CHODL: variants seen among roughly 807,000 people sequenced by gnomAD.
CHODL encodes transmembrane protein MT75.
CHODL carries 29 observed loss-of-function variants against 34.5 expected under a neutral mutation model. The observed-to-expected ratio is 0.84, with a 90% CI of 0.63 to 1.15. The LOEUF (loss-of-function observed/expected upper bound fraction) is 1.15. CHODL is among the 50% of genes most tolerant of loss of function. CHODL has a pLI of 0.00. For missense variants in CHODL, 332 were observed against 332.5 expected, an observed-to-expected ratio of 1.00 and a Z score of 0.01; for synonymous variants, 125 against 116.1, an observed-to-expected ratio of 1.08 and a Z score of -0.49.
chr21:17,980,452 AT>A (rs1197151508), intron 1 of CHODL, among the ~76,000 whole-genome samples: 7 of 152,262 alleles, frequency 4.6e-5, no homozygotes, highest in Non-Finnish European at 1.0e-4. Flanking sequence ...CTGGACTAAT[AT>A]TTTCATCAAC....
chr21:18,021,188 A>G (rs1274095281), intron 1 of CHODL, among the ~76,000 whole-genome samples: 2 of 152,288 alleles, frequency 1.3e-5, no homozygotes, highest in Admixed American at 1.3e-4. Flanking sequence ...AGAGTTCTGA[A>G]CCCAGAGATA....
At chr21:18,154,426 C>T (rs2073008660) in intron 2 of CHODL, among the ~76,000 whole-genome samples, 1 of 152,066 alleles carries the variant, frequency 6.6e-6, no homozygotes, top group Admixed American at 6.6e-5. Flanking sequence ...TCATTAGTTT[C>T]CCCGTATGTT....
Position 18,224,484 on chromosome 21 carries a change from G to C in CHODL, c.-44-32025G>C, listed in dbSNP as rs987292381. ...AAACTACAATATTCAGTGTGGTTAA[G>C]TTCCCTCATTATTATTGTTATTTTT... On this transcript the variant is annotated intron_variant, in intron 2 of 6. Transcript: ENST00000400127. Among the ~76,000 whole-genome samples, 41 of 152,294 alleles carry C rather than the reference G, an allele frequency of 2.7e-4. 1 individual carries two copies. Among genetic ancestry groups the C allele is most frequent in the African/African-American group, 7.9e-4 (33 of 41,574 alleles).
At chr21:18,057,497 C>T (rs560857573) in intron 2 of CHODL, among the ~76,000 whole-genome samples, 2 of 152,082 alleles carry the variant, frequency 1.3e-5, no homozygotes, top group South Asian at 4.2e-4. Context: ...ATGAACCTGA[C>T]ACATCATTAT....
chr21:18,063,645 TAAAG>T (rs2064695382), intron 2 of CHODL, among the ~76,000 whole-genome samples: 1 of 152,220 alleles, frequency 6.6e-6, no homozygotes. Context: ...CTTCATTGGT[TAAAG>T]AATGATGAAT....
intron 2 of CHODL, among the ~76,000 whole-genome samples, chr21:18,166,671 T>C (rs533140110): frequency 1.3e-4 from 20 of 152,150 alleles, no homozygotes; most frequent in Admixed American, 2.6e-4. Flanking sequence ...ATTATTATGT[T>C]AAATTATATT....
At chr21:18,200,249 A>C (rs575577697) in intron 2 of CHODL, among the ~76,000 whole-genome samples, 1 of 152,332 alleles carries the variant, frequency 6.6e-6, no homozygotes, top group Admixed American at 6.5e-5. Flanking sequence ...CTCAAATACA[A>C]AAAGTAAAAA....
chr21:17,933,270 T>A (rs376827487), intron 1 of CHODL, among the ~76,000 whole-genome samples: 1 of 152,196 alleles, frequency 6.6e-6, no homozygotes, highest in Non-Finnish European at 1.5e-5. Context: ...AGACCATTTA[T>A]GGGTGTCGGG....
chr21:18,017,974 T>C lies in CHODL; in HGVS notation c.-144-9898T>C, dbSNP rs566573831. Among the ~76,000 whole-genome samples the C allele has an allele frequency of 8.5e-5, 13 of 152,346 alleles. No homozygotes were observed. The East Asian group carries it at 2.5e-3, about 29-fold the overall frequency. On this transcript the variant is annotated intron_variant, in intron 1 of 6. Coordinates refer to the CHODL transcript ENST00000400127. ...GGACATGGAGTCAAAGGAGATTACC[T>C]TGGAGCTTTGTGATTTAATGGCTGC...
At chr21:18,010,888 G>A (rs2064012991) in intron 1 of CHODL, among the ~76,000 whole-genome samples, 1 of 152,142 alleles carries the variant, frequency 6.6e-6, no homozygotes, top group South Asian at 2.1e-4. Flanking sequence ...TAACAATTTT[G>A]TTAAGCTTTC....
Position 17,919,118 on chromosome 21 carries a change from C to T in CHODL, c.-145+1718C>T, listed in dbSNP as rs181712814. ...TTCATGGGCTGGTGTTGAGTGTCTGCGGCTTTTACAGGTGCGCAGTGCAAG... is the reference window on the plus strand; with the variant it reads ...TTCATGGGCTGGTGTTGAGTGTCTGTGGCTTTTACAGGTGCGCAGTGCAAG... On this transcript the variant is annotated intron_variant, in intron 1 of 6. Transcript: ENST00000400127. Among the ~76,000 whole-genome samples the T allele has an allele frequency of 8.1e-3, 1,241 of 152,288 alleles. 18 individuals are homozygous for T. Among genetic ancestry groups the T allele is most frequent in the African/African-American group, 0.027 (1,129 of 41,580 alleles).
intron 2 of CHODL, among the ~76,000 whole-genome samples, chr21:18,036,129 G>A (rs948818070): frequency 6.6e-6 from 1 of 151,986 alleles, no homozygotes; most frequent in African/African-American, 2.4e-5. Context: ...TGTTAGGTGA[G>A]ATCATAGAAG....
chr21:17,989,039 GA>G (rs1600863245), intron 1 of CHODL, among the ~76,000 whole-genome samples: 1 of 152,170 alleles, frequency 6.6e-6, no homozygotes, highest in African/African-American at 2.4e-5. Flanking sequence ...ACACATTGGA[GA>G]AAAGTAATGT....
At chr21:18,084,326 G>A (rs1390207337) in intron 2 of CHODL, among the ~76,000 whole-genome samples, 1 of 151,932 alleles carries the variant, frequency 6.6e-6, no homozygotes, top group East Asian at 1.9e-4. Context: ...TTTAGTTCTT[G>A]TTTTTTGTAG....
At chr21:17,963,078 ATAAT>A (rs1568819008) in intron 1 of CHODL, among the ~76,000 whole-genome samples, 34 of 140,732 alleles carry the variant, frequency 2.4e-4, no homozygotes, top group African/African-American at 8.0e-4. Flanking sequence ...AAAAAAAATA[ATAAT>A]AATAATAATA....
intron 1 of CHODL, among the ~76,000 whole-genome samples, chr21:17,980,794 G>A (rs2063707717): frequency 6.6e-6 from 1 of 152,180 alleles, no homozygotes; most frequent in Non-Finnish European, 1.5e-5. Context: ...GTGTGTGCAT[G>A]TGATCATGTG....
At chr21:17,922,864 G>A (rs2063193201) in intron 1 of CHODL, among the ~76,000 whole-genome samples, 2 of 152,158 alleles carry the variant, frequency 1.3e-5, no homozygotes, top group Non-Finnish European at 2.9e-5. Flanking sequence ...CTGAAGACAC[G>A]TGCCCAAGGT....
At chr21:18,180,021 A>G (rs1020036907) in intron 2 of CHODL, among the ~76,000 whole-genome samples, 2 of 152,206 alleles carry the variant, frequency 1.3e-5, no homozygotes, top group Admixed American at 1.3e-4. Flanking sequence ...CTATAAGAAG[A>G]TAATAATAGT....
Position 18,266,279 on chromosome 21 carries a change from T to C in CHODL, c.*241T>C, listed in dbSNP as rs2074461092. The stretch of plus-strand genomic sequence containing the variant: ...TAAAGGATGCACCCAAACTTCAAAC[T>C]TCAAGCAAATGAAATGGACAATGCA... On this transcript the variant is annotated 3_prime_UTR_variant, in exon 6 of 6. Transcript: ENST00000299295. 5 of 1,291,462 alleles carry C rather than the reference T, an allele frequency of 3.9e-6. No homozygotes were observed. In the South Asian group the frequency reaches 7.9e-5, roughly 20 times the overall value. 80.0% of individuals were successfully genotyped at this position (1,291,462 alleles called of 1,614,324 possible).
Sources: gnomAD v4.1 joint callset for allele counts (sites outside exome capture counted in the v4.1 genomes callset) on GRCh38, gnomAD v4.1.1 for gene constraint, MANE v1.5 for transcripts, NCBI Gene and HGNC (gene_info 2026-07-23, HGNC 2026-07-21) for gene names.